The following GNAQ variants were observed in gnomAD, a reference collection of about 807,000 sequenced individuals.
GNAQ encodes G protein subunit alpha q.
In GNAQ, 8 loss-of-function variants were observed where a neutral mutation model predicts 43.9. The observed-to-expected ratio is 0.18, with a 90% CI of 0.11 to 0.33. The LOEUF (loss-of-function observed/expected upper bound fraction) is 0.33, where lower values mean the gene tolerates loss of function less well. GNAQ is among the 10% of genes least tolerant of loss of function. The probability of loss-of-function intolerance (pLI) is 1.00; values close to 1 mark genes in which losing one functional copy is unlikely to be tolerated. For missense variants in GNAQ, 158 were observed against 450.8 expected (o/e 0.35, Z 5.88); for synonymous variants, 155 against 170.7 (o/e 0.91, Z 0.71).
At chr9:77,793,298 G>A (rs973965507) in intron 5 of GNAQ, among the ~76,000 whole-genome samples, 3 of 152,048 alleles carry the variant, frequency 2.0e-5, no homozygotes, top group South Asian at 2.1e-4. Context: ...TTAAACAGAA[G>A]TTATTTGGTT....
intron 2 of GNAQ, among the ~76,000 whole-genome samples, chr9:77,848,651 G>A (rs1232362681): frequency 6.6e-6 from 1 of 152,224 alleles, no homozygotes; most frequent in Non-Finnish European, 1.5e-5. Flanking sequence ...AGTGTGGTGG[G>A]AATAAGGAGT....
At chr9:77,807,791 TTGTG>T (rs1554717430) in intron 3 of GNAQ, among the ~76,000 whole-genome samples, 9 of 152,098 alleles carry the variant, frequency 5.9e-5, no homozygotes, top group Non-Finnish European at 1.2e-4. Context: ...GGGTTTGAAT[TTGTG>T]TGTGTGTGAG....
At chr9:77,897,767 A>C (rs1173476580) in intron 2 of GNAQ, among the ~76,000 whole-genome samples, 1 of 152,186 alleles carries the variant, frequency 6.6e-6, no homozygotes, top group Non-Finnish European at 1.5e-5. Context: ...GCTAAGTGCC[A>C]AGATGGCCAG....
intron 5 of GNAQ, among the ~76,000 whole-genome samples, chr9:77,732,356 T>A (rs1330267763): frequency 2.0e-5 from 3 of 151,862 alleles, no homozygotes; most frequent in Admixed American, 6.6e-5. Flanking sequence ...AGGATACTAG[T>A]AAAGGTCCCC....
intron 1 of GNAQ, among the ~76,000 whole-genome samples, chr9:77,952,344 C>A (rs150725605): frequency 2.0e-5 from 3 of 148,632 alleles, no homozygotes; most frequent in Non-Finnish European, 3.0e-5. Flanking sequence ...TTTTTCCTTG[C>A]GTATGTTGAA....
At chr9:77,764,202 CTA>C (rs1268042645) in intron 5 of GNAQ, among the ~76,000 whole-genome samples, 2 of 152,094 alleles carry the variant, frequency 1.3e-5, no homozygotes, top group East Asian at 1.9e-4. Flanking sequence ...GACTGAATTT[CTA>C]TATGATACTA....
At chr9:78,020,431 C>A (rs1823894279) in intron 1 of GNAQ, among the ~76,000 whole-genome samples, 1 of 152,164 alleles carries the variant, frequency 6.6e-6, no homozygotes, top group Non-Finnish European at 1.5e-5. Flanking sequence ...TATTTAACCA[C>A]CTCTGGGAAC....
intron 1 of GNAQ, among the ~76,000 whole-genome samples, chr9:77,936,560 C>T (rs1253697769): frequency 1.3e-5 from 2 of 152,204 alleles, no homozygotes; most frequent in Non-Finnish European, 2.9e-5. Context: ...ATAGACTGTA[C>T]TTGCTTACTT....
At chr9:77,745,677 T>A (rs1488360903) in intron 5 of GNAQ, among the ~76,000 whole-genome samples, 1 of 151,266 alleles carries the variant, frequency 6.6e-6, no homozygotes, top group Non-Finnish European at 1.5e-5. Context: ...CTAGAAAATT[T>A]CTCAGGAAGT....
intron 2 of GNAQ, among the ~76,000 whole-genome samples, chr9:77,863,179 A>AAAGAAAGGAAGGAAGG (rs1345249136): frequency 3.1e-5 from 4 of 130,030 alleles, no homozygotes; most frequent in Non-Finnish European, 4.8e-5. Flanking sequence ...CGTATGAAAG[A>AAAGAAAGGAAGGAAGG]AAGGAAGGAA....
chr9:77,889,572 A>G lies in GNAQ; in HGVS notation c.321+32589T>C, dbSNP rs574494692. Among the ~76,000 whole-genome samples, 475 of 152,154 alleles carry G rather than the reference A, an allele frequency of 3.1e-3. 2 individuals are homozygous for G. The highest frequency in any genetic ancestry group is 6.4e-3 in the South Asian group (31 of 4,812). ...TTCTCAAAGAAGGATCAACTGTCCA[A>G]TGCTTATTGGACACATGTTGATCCT... is the stretch of plus-strand genomic sequence containing the variant. On this transcript the variant is annotated intron_variant, in intron 2 of 6. Coordinates refer to ENST00000286548, the MANE Select transcript of GNAQ (RefSeq NM_002072.5).
chr9:77,721,295 G>C lies in GNAQ; in HGVS notation c.*28C>G, dbSNP rs1825307475. ...GTATCTTCAATAGCCCACCAGGGAA[G>C]GGCAGGGCGGGTGTCTAGGAGGCAC... On this transcript the variant is annotated 3_prime_UTR_variant, in exon 7 of 7. Coordinates refer to ENST00000286548, the MANE Select transcript of GNAQ (RefSeq NM_002072.5). The C allele has an allele frequency of 1.4e-6, 2 of 1,479,458 alleles. No homozygotes were observed. The highest frequency in any genetic ancestry group is 1.9e-6 in the Non-Finnish European group (2 of 1,074,970). The allele number at this position is 1,479,458 out of a possible 1,614,324, so 91.6% of individuals were successfully genotyped here.
At chr9:77,790,303 C>T (rs1041266977) in intron 5 of GNAQ, among the ~76,000 whole-genome samples, 5 of 152,090 alleles carry the variant, frequency 3.3e-5, no homozygotes, top group African/African-American at 4.8e-5. Context: ...AGGTTTTCCC[C>T]GCAAAGCTGA....
At chr9:77,760,955 G>A (rs927659438) in intron 5 of GNAQ, among the ~76,000 whole-genome samples, 2 of 151,110 alleles carry the variant, frequency 1.3e-5, no homozygotes, top group Admixed American at 6.6e-5. Context: ...GAGAAGGGAG[G>A]AGACCCTCCG....
intron 2 of GNAQ, among the ~76,000 whole-genome samples, chr9:77,887,416 AAAATAAGG>A (rs1247516930): frequency 6.6e-6 from 1 of 152,238 alleles, no homozygotes; most frequent in African/African-American, 2.4e-5. Flanking sequence ...TTTATCAAAG[AAAATAAGG>A]AAATAGTTTT....
intron 1 of GNAQ, among the ~76,000 whole-genome samples, chr9:77,944,144 A>T (rs935731720): frequency 3.3e-5 from 5 of 152,180 alleles, no homozygotes; most frequent in African/African-American, 1.2e-4. Flanking sequence ...GAATACATAC[A>T]TAATATTAAC....
intron 5 of GNAQ, among the ~76,000 whole-genome samples, chr9:77,731,626 T>C (rs1230792227): frequency 1.3e-5 from 2 of 152,168 alleles, no homozygotes; most frequent in Admixed American, 1.3e-4. Flanking sequence ...GCCCTCCAGG[T>C]GATTTGAATG....
chr9:77,789,830 C>A (rs1826539687), intron 5 of GNAQ, among the ~76,000 whole-genome samples: 7 of 152,042 alleles, frequency 4.6e-5, no homozygotes, highest in Admixed American at 4.6e-4. Context: ...TGTCTGCTTC[C>A]CTATACCCGG....
chr9:77,726,840 G>C (rs1016877091), intron 6 of GNAQ, among the ~76,000 whole-genome samples: 3 of 152,174 alleles, frequency 2.0e-5, no homozygotes, highest in African/African-American at 7.2e-5. Context: ...GAACTTTTCA[G>C]AGCTTGTGCT....
Sources: gnomAD v4.1 joint callset for allele counts (sites outside exome capture counted in the v4.1 genomes callset) on GRCh38, gnomAD v4.1.1 for gene constraint, MANE v1.5 for transcripts, NCBI Gene and HGNC (gene_info 2026-07-23, HGNC 2026-07-21) for gene names.